The following SERGEF variants were observed in gnomAD, a reference collection of about 807,000 sequenced individuals.
SERGEF encodes the protein secretion-regulating guanine nucleotide exchange factor.
A neutral mutation model predicts 50.0 loss-of-function variants in SERGEF; 51 were observed. The ratio of observed to expected loss-of-function variants is 1.02; its 90% CI spans 0.81 to 1.29. The LOEUF is 1.29. SERGEF is among the 50% of genes most tolerant of loss of function. The pLI is 0.00. For missense variants in SERGEF, 521 were observed against 557.0 expected (o/e 0.94, Z 0.65); for synonymous variants, 205 against 212.4 (o/e 0.97, Z 0.30).
chr11:17,947,197 A>G (rs1590212563), intron 9 of SERGEF, among the ~76,000 whole-genome samples: 1 of 152,228 alleles, frequency 6.6e-6, no homozygotes, highest in Non-Finnish European at 1.5e-5. Context: ...CACTAAAGTT[A>G]CAGCCACAAT....
Position 17,788,318 on chromosome 11 carries a change from GC to G in SERGEF, c.1143del (p.Leu382CysfsTer?). 1 of 1,614,214 alleles carries G rather than the reference GC, an allele frequency of 6.2e-7. No homozygotes were observed. Among genetic ancestry groups the G allele is most frequent in the South Asian group, 1.1e-5 (1 of 91,090 alleles). ...CCCACAAGGAGTCCTGACGATGACA[GC>G]AGAGCCTGCACCGGCTTTGGGGCCC... Reference protein sequence around the residue: ...NVWAPKPVQALLSSSGLLVGC... With the variant: ...NVWAPKPVQAXLSSSGLLVGC... On this transcript the variant is annotated frameshift_variant, in exon 11 of 11. Transcript: ENST00000265965. LOFTEE classifies it low-confidence loss of function (END_TRUNC).
chr11:17,825,883 C>T (rs147807357), intron 10 of SERGEF, among the ~76,000 whole-genome samples: 1 of 152,258 alleles, frequency 6.6e-6, no homozygotes, highest in East Asian at 1.9e-4. Flanking sequence ...CACAGGGTTC[C>T]TTTCTTGGTG....
intron 9 of SERGEF, among the ~76,000 whole-genome samples, chr11:17,919,243 A>G (rs1209155391): frequency 6.6e-6 from 1 of 152,196 alleles, no homozygotes; most frequent in Non-Finnish European, 1.5e-5. Context: ...TACACTAATG[A>G]GCAGCTGAGA....
At chr11:17,809,847 A>C (rs905905516) in intron 10 of SERGEF, among the ~76,000 whole-genome samples, 3 of 152,324 alleles carry the variant, frequency 2.0e-5, no homozygotes, top group African/African-American at 7.2e-5. Flanking sequence ...AGATGAATCT[A>C]GAATCCAACC....
chr11:18,000,741 T>C lies in SERGEF; in HGVS notation c.448-184A>G, dbSNP rs762103210. ...TTTATCCCTAAAAGAAAAAAATATA[T>C]CTTTTAAAATACCATATCACAATAC... On this transcript the variant is annotated intron_variant, in intron 4 of 10. Transcript: ENST00000265965. 2.9e-5 allele frequency: 20 copies of C among 696,052 alleles called. No individual in the cohort carries two copies. In the East Asian group the frequency reaches 4.1e-4, roughly 14 times the overall value. The allele number at this position is 696,052 out of a possible 1,614,324, so 43.1% of individuals were successfully genotyped here. A position where few individuals can be genotyped will look rare whatever the true frequency, so the allele number is the denominator to read the frequency against.
At chr11:17,836,954 A>C (rs748081196) in intron 10 of SERGEF, among the ~76,000 whole-genome samples, 1 of 152,222 alleles carries the variant, frequency 6.6e-6, no homozygotes, top group East Asian at 1.9e-4. Flanking sequence ...AGCCACAGAT[A>C]AAGTACTTGC....
intron 10 of SERGEF, among the ~76,000 whole-genome samples, chr11:17,819,995 A>G (rs1463610986): frequency 6.6e-6 from 1 of 152,042 alleles, no homozygotes; most frequent in Non-Finnish European, 1.5e-5. Flanking sequence ...ACACCACCAC[A>G]CTTGGCTAAT....
intron 8 of SERGEF, among the ~76,000 whole-genome samples, chr11:17,972,886 CA>C (rs2133982369): frequency 6.6e-6 from 1 of 152,200 alleles, no homozygotes; most frequent in African/African-American, 2.4e-5. Context: ...TCCCTTTCTC[CA>C]TCTCCTCCAG....
intron 10 of SERGEF, among the ~76,000 whole-genome samples, chr11:17,861,245 A>G (rs1363453466): frequency 6.6e-6 from 1 of 152,216 alleles, no homozygotes; most frequent in African/African-American, 2.4e-5. Context: ...CTGAGCACCT[A>G]CTCTGTGCCA....
chr11:17,883,096 A>C (rs867915739), intron 9 of SERGEF, among the ~76,000 whole-genome samples: 1 of 152,168 alleles, frequency 6.6e-6, no homozygotes, highest in Non-Finnish European at 1.5e-5. Flanking sequence ...CAGCCTGCGA[A>C]GTCAGAGCTG....
At chr11:17,987,973 A>G (rs1437977761) in intron 8 of SERGEF, among the ~76,000 whole-genome samples, 1 of 152,212 alleles carries the variant, frequency 6.6e-6, no homozygotes, top group East Asian at 1.9e-4. Flanking sequence ...ACAAAATCTG[A>G]GGACAAAGTT....
chr11:17,857,565 G>A (rs1265135581), intron 10 of SERGEF, among the ~76,000 whole-genome samples: 1 of 152,198 alleles, frequency 6.6e-6, no homozygotes, highest in Admixed American at 6.5e-5. Flanking sequence ...ACTTCTTCAA[G>A]TAAGTTCCCA....
rs1309056935 is a variant in SERGEF, at chr11:17,888,943, C to T, written c.1012-10699G>A. Among the ~76,000 whole-genome samples the T allele has an allele frequency of 6.6e-6, 1 of 152,140 alleles. No homozygotes were observed. Among genetic ancestry groups the T allele is most frequent in the Non-Finnish European group, 1.5e-5 (1 of 68,032 alleles). ...ACTAGCCAGCCTGAAACAGCTCCCA[C>T]TAGCTAAATCAGGGAGAACTTGAGC... is the stretch of plus-strand genomic sequence containing the variant. On this transcript the variant is annotated intron_variant, in intron 9 of 10. Transcript: ENST00000265965. The surrounding 1 kb of genome is among the most constrained non-coding windows in gnomAD (Gnocchi z 4.1).
At chr11:17,998,558 G>GTA (rs1853895258) in intron 5 of SERGEF, among the ~76,000 whole-genome samples, 2 of 147,974 alleles carry the variant, frequency 1.4e-5, no homozygotes, top group African/African-American at 2.5e-5. Flanking sequence ...ATGTGTATGT[G>GTA]TGTATTTATA....
chr11:17,961,795 T>C (rs1421736481), intron 8 of SERGEF, among the ~76,000 whole-genome samples: 1 of 152,224 alleles, frequency 6.6e-6, no homozygotes, highest in East Asian at 1.9e-4. Flanking sequence ...CAAGCCTAAA[T>C]TTAACACACT....
At chr11:17,842,552 A>G (rs946689258) in intron 10 of SERGEF, among the ~76,000 whole-genome samples, 3 of 152,200 alleles carry the variant, frequency 2.0e-5, no homozygotes, top group African/African-American at 2.4e-5. Flanking sequence ...TTTGCTAATA[A>G]GAAACAGAAA....
At chr11:17,958,460 G>T (rs529070851) in intron 9 of SERGEF, among the ~76,000 whole-genome samples, 5 of 151,766 alleles carry the variant, frequency 3.3e-5, no homozygotes, top group Non-Finnish European at 2.9e-5. Flanking sequence ...TAACAGAAAC[G>T]CACACCCTGG....
chr11:17,912,588 G>T (rs1403234049), intron 9 of SERGEF, among the ~76,000 whole-genome samples: 1 of 152,202 alleles, frequency 6.6e-6, no homozygotes, highest in Non-Finnish European at 1.5e-5. Flanking sequence ...GCCAGGCATT[G>T]TACTAAACAC....
chr11:17,909,055 G>T (rs1851902688), intron 9 of SERGEF, among the ~76,000 whole-genome samples: 1 of 152,202 alleles, frequency 6.6e-6, no homozygotes, highest in African/African-American at 2.4e-5. Context: ...GCCAGAATAA[G>T]CCTAGGCAGA....
Sources: allele counts gnomAD v4.1 joint callset (sites outside exome capture counted in the v4.1 genomes callset), GRCh38; gene constraint gnomAD v4.1.1; non-coding constraint Gnocchi (gnomAD v3.1); transcripts MANE v1.5; gene names NCBI Gene and HGNC (gene_info 2026-07-23, HGNC 2026-07-21).